The following RAD17 variants were observed in gnomAD, a reference collection of about 807,000 sequenced individuals.
RAD17 encodes cell cycle checkpoint protein RAD17.
RAD17 carries 31 observed loss-of-function variants against 81.5 expected under a neutral mutation model. That is an observed-to-expected ratio of 0.38 (90% CI 0.29 to 0.51). The LOEUF is 0.51. RAD17 is among the 20% of genes least tolerant of loss of function. The pLI, the probability that RAD17 is intolerant of heterozygous loss-of-function variation, is 0.88. For synonymous variants in RAD17, 261 were observed against 266.2 expected (o/e 0.98, Z 0.19); for missense variants, 681 against 781.2 (o/e 0.87, Z 1.53).
chr5:69,381,208 C>A (rs938698419), intron 6 of RAD17, among the ~76,000 whole-genome samples: 1 of 151,932 alleles, frequency 6.6e-6, no homozygotes, highest in Non-Finnish European at 1.5e-5. Flanking sequence ...TTGCTGGGAG[C>A]GGTGGCTCAC....
chr5:69,369,498 G>C, upstream of RAD17: 1 of 1,611,562 alleles, frequency 6.2e-7, no homozygotes. Flanking sequence ...CATGGTCCCC[G>C]CCGCGACGGC....
At chr5:69,408,438 C>T (rs925076818) in intron 17 of RAD17, among the ~76,000 whole-genome samples, 4 of 150,716 alleles carry the variant, frequency 2.7e-5, no homozygotes, top group African/African-American at 9.8e-5. Context: ...CTCACTTTGT[C>T]TCTTTCCCTG....
At chr5:69,376,116 C>T (rs1763318702) in intron 6 of RAD17, among the ~76,000 whole-genome samples, 1 of 152,130 alleles carries the variant, frequency 6.6e-6, no homozygotes, top group Non-Finnish European at 1.5e-5. Flanking sequence ...TTGTGGTTCT[C>T]CTGCTGTCTT....
rs1276332933 is a variant in RAD17, at chr5:69,371,502, T to C, written c.-231T>C. On this transcript the variant is annotated 5_prime_UTR_variant, in exon 3 of 19. Coordinates refer to ENST00000354868, the MANE Select transcript of RAD17 (RefSeq NM_133338.3). ...CAAGTCCTAAACTACGGATGGGAAC[T>C]ATTACAGTTTATAATGTCAAAAACT... The C allele has an allele frequency of 7.2e-7, 1 of 1,390,244 alleles. No individual in the cohort carries two copies. The highest frequency in any genetic ancestry group is 2.2e-5 in the Admixed American group (1 of 45,150). The allele number at this position is 1,390,244 out of a possible 1,614,324, so 86.1% of individuals were successfully genotyped here. A position where few individuals can be genotyped will look rare whatever the true frequency, so the allele number is the denominator to read the frequency against.
At chr5:69,394,283 A>C (rs942308375) in intron 15 of RAD17, among the ~76,000 whole-genome samples, 13 of 150,470 alleles carry the variant, frequency 8.6e-5, no homozygotes, top group Admixed American at 7.3e-4. Context: ...GCTGGTCTCC[A>C]ACTCCTGAGC....
chr5:69,409,449 G>C (rs1039080649), intron 17 of RAD17, among the ~76,000 whole-genome samples: 2 of 152,164 alleles, frequency 1.3e-5, no homozygotes, highest in African/African-American at 4.8e-5. Context: ...TTGGGAATGG[G>C]AGGGAGGAGA....
At chr5:69,374,137 T>C (rs756592957) in intron 5 of RAD17, 50 bp downstream of exon 5, 1 of 1,461,238 alleles carries the variant, frequency 6.8e-7, no homozygotes, top group East Asian at 2.3e-5. Flanking sequence ...TCAGGGTGCA[T>C]AAGGGTAGAT....
intron 5 of RAD17, 36 bp from the exon 6 acceptor site, chr5:69,374,592 A>T: frequency 6.6e-7 from 1 of 1,517,740 alleles, no homozygotes; most frequent in South Asian, 1.2e-5. Flanking sequence ...TCTTCAGTTA[A>T]GAAGTTTTGT....
intron 17 of RAD17, among the ~76,000 whole-genome samples, chr5:69,400,989 C>T (rs1765232136): frequency 6.6e-6 from 1 of 151,716 alleles, no homozygotes; most frequent in African/African-American, 2.4e-5. Context: ...AACGTGGTGG[C>T]TTATGCCTGT....
intron 11 of RAD17, among the ~76,000 whole-genome samples, chr5:69,386,827 G>A (rs1257783887): frequency 6.6e-6 from 1 of 150,970 alleles, no homozygotes; most frequent in African/African-American, 2.4e-5. Flanking sequence ...TTTTAATTAT[G>A]GTGAAAAACA....
intron 17 of RAD17, among the ~76,000 whole-genome samples, chr5:69,400,437 C>T (rs1213451883): frequency 6.6e-6 from 1 of 151,812 alleles, no homozygotes; most frequent in African/African-American, 2.4e-5. Context: ...AGGATGGTCT[C>T]GATCTCCTGA....
Position 69,393,908 on chromosome 5 carries a change from G to GTTTTTT in RAD17, c.1422+426_1422+431dup, listed in dbSNP as rs34500104. ...TGATTTTGTGTTTTGTGTTATGGTG[G>GTTTTTT]TTTTTTTTTTTTTTTTTTTTTTTGA... On this transcript the variant is annotated intron_variant, in intron 15 of 18. Transcript: ENST00000354868. Among the ~76,000 whole-genome samples, 125 of 73,104 alleles carry GTTTTTT rather than the reference G, an allele frequency of 1.7e-3. 1 individual carries two copies. Among genetic ancestry groups the GTTTTTT allele is most frequent in the African/African-American group, 2.5e-3 (46 of 18,698 alleles). 48.0% of individuals were successfully genotyped at this position (73,104 alleles called of 152,430 possible). A position where few individuals can be genotyped will look rare whatever the true frequency, so the allele number is the denominator to read the frequency against.
rs780244948 is a variant in RAD17, at chr5:69,386,062, A to T, written c.665A>T (p.Tyr222Phe). 2 of 1,597,028 alleles carry T rather than the reference A, an allele frequency of 1.3e-6. No homozygotes were observed. The highest frequency in any genetic ancestry group is 1.7e-6 in the Non-Finnish European group (2 of 1,172,960). Residue 222 changes from tyrosine to phenylalanine, a missense_variant, in exon 9 of 19, where the codon TAT (tyrosine) becomes TTT (phenylalanine). Transcript: ENST00000354868. Reference protein sequence around the residue: ...ILVEDLPNQFYRDSHTLHEVL... With the variant: ...ILVEDLPNQFFRDSHTLHEVL... ...CAATAGGATTTACCTAACCAGTTTT[A>T]TCGGGATTCTCATACTTTACATGAA... is the stretch of plus-strand genomic sequence containing the variant.
intron 18 of RAD17, among the ~76,000 whole-genome samples, chr5:69,413,774 A>T (rs554589370): frequency 4.3e-4 from 66 of 152,312 alleles, no homozygotes; most frequent in African/African-American, 1.6e-3. Context: ...GCCTCAAGTG[A>T]TCTGCCTGCC....
chr5:69,389,095 C>A lies in RAD17; in HGVS notation c.956C>A (p.Ser319Tyr), dbSNP rs1764389174. The change falls in exon 12 of 19, where the codon TCT becomes TAT. Residue 319 changes from serine (S) to tyrosine (Y), a missense_variant. By Grantham distance (144) the Ser-to-Tyr change is moderately radical. Coordinates refer to ENST00000354868, the MANE Select transcript of RAD17 (RefSeq NM_133338.3). ...CTAGAGTTGCTCTGTCAGGGATGTTCTGGTGATATCAGAAGTGCAATAAAC... is the reference window on the plus strand; with the variant it reads ...CTAGAGTTGCTCTGTCAGGGATGTTATGGTGATATCAGAAGTGCAATAAAC... ...TSLELLCQGC[S>Y]GDIRSAINSL... 4 of 1,583,174 alleles carry A rather than the reference C, an allele frequency of 2.5e-6. No homozygotes were observed. The highest frequency in any genetic ancestry group is 3.4e-6 in the Non-Finnish European group (4 of 1,164,236).
intron 6 of RAD17, among the ~76,000 whole-genome samples, chr5:69,379,932 G>A (rs889724586): frequency 4.0e-5 from 6 of 151,588 alleles, no homozygotes; most frequent in African/African-American, 1.5e-4. Flanking sequence ...CCAGGCTGGA[G>A]TGCAGTGGTG....
In RAD17 at chr5:69,400,228, AT is replaced by A. The variant is rs368374295; in HGVS notation, c.1693+63del. The A allele has an allele frequency of 1.6e-5, 19 of 1,159,454 alleles. 2 individuals are homozygous for A. The highest frequency in any genetic ancestry group is 5.2e-5 in the South Asian group (2 of 38,538). The allele number at this position is 1,159,454 out of a possible 1,614,324, so 71.8% of individuals were successfully genotyped here. On this transcript the variant is annotated intron_variant, in intron 17 of 18. Transcript: ENST00000354868. ...GTAGGGTTTATTTATTTATTTATTT[AT>A]TTTATTTTTTTAGGGGGAGTCTCTA...
intron 7 of RAD17, chr5:69,383,997 C>G (rs1764014522): frequency 6.6e-6 from 1 of 151,920 alleles, no homozygotes; most frequent in African/African-American, 2.4e-5. Flanking sequence ...GAAACCCCGT[C>G]TCTACTAAAA....
chr5:69,399,584 T>G (rs752928016), intron 16 of RAD17, among the ~76,000 whole-genome samples: 8 of 152,236 alleles, frequency 5.3e-5, no homozygotes, highest in Non-Finnish European at 1.0e-4. Context: ...CTTTGTCTTT[T>G]ATAGCATATA....
Sources: allele counts gnomAD v4.1 joint callset (sites outside exome capture counted in the v4.1 genomes callset), GRCh38; gene constraint gnomAD v4.1.1; transcripts MANE v1.5; gene names NCBI Gene and HGNC (gene_info 2026-07-23, HGNC 2026-07-21).